Variants in LRRC4C observed in about 807,000 individuals in gnomAD.
LRRC4C encodes leucine-rich repeat-containing protein 4C.
In LRRC4C, 5 loss-of-function variants were observed where a neutral mutation model predicts 33.6. That is an observed-to-expected ratio of 0.15 (90% CI 0.08 to 0.31). LRRC4C has a LOEUF of 0.31. LRRC4C is among the 10% of genes least tolerant of loss of function. LRRC4C has a pLI of 1.00. For missense variants in LRRC4C, 560 were observed against 796.7 expected (o/e 0.70, Z 3.58); for synonymous variants, 329 against 302.0 (o/e 1.09, Z -0.93).
At chr11:40,521,032 T>C (rs533549505) in intron 3 of LRRC4C, among the ~76,000 whole-genome samples, 2 of 152,206 alleles carry the variant, frequency 1.3e-5, no homozygotes, top group Admixed American at 6.5e-5. Context: ...CAAATGCATA[T>C]GCAGGAATGA....
intron 1 of LRRC4C, among the ~76,000 whole-genome samples, chr11:40,972,125 G>A (rs1318147910): frequency 6.7e-6 from 1 of 150,312 alleles, no homozygotes; most frequent in Non-Finnish European, 1.5e-5. Context: ...GGGGACTGTT[G>A]GGAAGCCATA....
chr11:40,778,521 T>C (rs1950098084), intron 2 of LRRC4C, among the ~76,000 whole-genome samples: 1 of 152,150 alleles, frequency 6.6e-6, no homozygotes, highest in South Asian at 2.1e-4. Context: ...ACCTCTATAC[T>C]TTAATGAAAA....
At chr11:41,262,693 T>C (rs1295168624) in intron 1 of LRRC4C, among the ~76,000 whole-genome samples, 2 of 152,166 alleles carry the variant, frequency 1.3e-5, no homozygotes, top group African/African-American at 4.8e-5. Flanking sequence ...TTTGTTCAGT[T>C]GTCTATTTGG....
At chr11:41,436,012 T>G (rs1316122658) in intron 1 of LRRC4C, among the ~76,000 whole-genome samples, 1 of 152,180 alleles carries the variant, frequency 6.6e-6, no homozygotes, top group Non-Finnish European at 1.5e-5. Context: ...GAGACCAGCC[T>G]GGCCAATATG....
chr11:40,696,281 C>CATATATATATATATATAT (rs753906826), intron 2 of LRRC4C, among the ~76,000 whole-genome samples: 11 of 92,848 alleles, frequency 1.2e-4, no homozygotes, highest in African/African-American at 8.2e-4. Context: ...CACAATGCCA[C>CATATATATATATATATAT]ATATATATAT....
intron 1 of LRRC4C, among the ~76,000 whole-genome samples, chr11:41,447,401 T>C (rs1417115376): frequency 6.6e-6 from 1 of 152,178 alleles, no homozygotes. Context: ...TTTGAAGCTA[T>C]TAAAACCCCA....
intron 3 of LRRC4C, among the ~76,000 whole-genome samples, chr11:40,339,952 G>T (rs1422717933): frequency 6.6e-6 from 1 of 152,098 alleles, no homozygotes; most frequent in South Asian, 2.1e-4. Flanking sequence ...GGCATATGTG[G>T]TTCCAAGAGA....
chr11:40,915,774 A>G (rs1362232517), intron 2 of LRRC4C, among the ~76,000 whole-genome samples: 2 of 152,184 alleles, frequency 1.3e-5, no homozygotes, highest in Non-Finnish European at 2.9e-5. Context: ...ACAGAATGGG[A>G]GAAAATTTTT....
chr11:40,962,772 T>G (rs1164686486), intron 1 of LRRC4C, among the ~76,000 whole-genome samples: 2 of 151,744 alleles, frequency 1.3e-5, no homozygotes, highest in Non-Finnish European at 3.0e-5. Context: ...CTCAGCTGAA[T>G]TTTTAAAAGT....
chr11:40,994,922 G>C (rs1254359232), intron 1 of LRRC4C, among the ~76,000 whole-genome samples: 1 of 151,830 alleles, frequency 6.6e-6, no homozygotes, highest in Non-Finnish European at 1.5e-5. Context: ...GTAATCAACA[G>C]GACCAGAAAC....
intron 3 of LRRC4C, among the ~76,000 whole-genome samples, chr11:40,630,905 A>T (rs1284846550): frequency 6.6e-6 from 1 of 152,190 alleles, no homozygotes; most frequent in Non-Finnish European, 1.5e-5. Context: ...TCTCATGAAT[A>T]TATTCATTTT....
chr11:40,166,868 G>C (rs954664393), intron 5 of LRRC4C, among the ~76,000 whole-genome samples: 6 of 152,146 alleles, frequency 3.9e-5, no homozygotes, highest in African/African-American at 1.2e-4. Context: ...ATGTTTATAT[G>C]GGTAGAGATG....
chr11:41,055,969 C>T (rs1187427611), intron 1 of LRRC4C, among the ~76,000 whole-genome samples: 2 of 152,126 alleles, frequency 1.3e-5, no homozygotes, highest in Non-Finnish European at 2.9e-5. Flanking sequence ...TGCATATTTT[C>T]TTTCAGGTTA....
chr11:40,260,117 C>G (rs1205494526), intron 4 of LRRC4C, among the ~76,000 whole-genome samples: 2 of 125,750 alleles, frequency 1.6e-5, no homozygotes, highest in Non-Finnish European at 3.3e-5. Context: ...ATGTTTATTG[C>G]GGCATTATTC....
intron 3 of LRRC4C, among the ~76,000 whole-genome samples, chr11:40,518,490 A>G (rs1381942721): frequency 6.6e-6 from 1 of 152,224 alleles, no homozygotes; most frequent in Non-Finnish European, 1.5e-5. Context: ...TATGCAGCCA[A>G]CAAACATGAA....
At chr11:41,214,575 C>CAAAAAAAAAAAAAAAA (rs547167050) in intron 1 of LRRC4C, among the ~76,000 whole-genome samples, 2 of 34,756 alleles carry the variant, frequency 5.8e-5, no homozygotes, top group African/African-American at 2.4e-4. Context: ...ACTAAAAATA[C>CAAAAAAAAAAAAAAAA]AAAAAAAAAA....
intron 1 of LRRC4C, among the ~76,000 whole-genome samples, chr11:41,228,486 A>C (rs1400334412): frequency 6.6e-6 from 1 of 152,066 alleles, no homozygotes; most frequent in Admixed American, 6.6e-5. Flanking sequence ...CTGTCATTCT[A>C]ATTTCCATTC....
intron 1 of LRRC4C, among the ~76,000 whole-genome samples, chr11:41,227,136 C>T (rs11036299): frequency 0.033 from 4,986 of 152,124 alleles, 104 homozygotes; most frequent in South Asian, 0.053. Flanking sequence ...AAAAATGTTT[C>T]TCTCTTTTGG....
chr11:41,323,617 C>T (rs900426600), intron 1 of LRRC4C, among the ~76,000 whole-genome samples: 4 of 152,200 alleles, frequency 2.6e-5, no homozygotes, highest in South Asian at 2.1e-4. Flanking sequence ...CCCTTCCCTA[C>T]GCAGTCTGTT....
Sources: allele counts gnomAD v4.1 joint callset (sites outside exome capture counted in the v4.1 genomes callset), GRCh38; gene constraint gnomAD v4.1.1; transcripts MANE v1.5; gene names NCBI Gene and HGNC (gene_info 2026-07-23, HGNC 2026-07-21).